The following MARCHF1 variants were observed in gnomAD, a reference collection of about 807,000 sequenced individuals.
MARCHF1 encodes the protein membrane associated ring-CH-type finger 1.
MARCHF1 carries 40 observed loss-of-function variants against 54.2 expected under a neutral mutation model. The observed-to-expected ratio is 0.74, with a 90% CI of 0.57 to 0.96. The LOEUF (loss-of-function observed/expected upper bound fraction) is 0.96, where lower values mean the gene tolerates loss of function less well. Ranked by LOEUF, MARCHF1 falls within the 40% of genes least tolerant of loss-of-function variation. The pLI is 0.00. For missense variants in MARCHF1, 586 were observed against 656.5 expected (o/e 0.89, Z 1.17); for synonymous variants, 236 against 236.3 (o/e 1.00, Z 0.01).
intron 2 of MARCHF1, among the ~76,000 whole-genome samples, chr4:164,099,623 G>A (rs1005188081): frequency 1.1e-4 from 16 of 152,150 alleles, no homozygotes; most frequent in South Asian, 6.2e-4. Flanking sequence ...CAGGACAAAA[G>A]GTGAATTCAT....
At chr4:163,862,207 A>G (rs1749953433) in intron 3 of MARCHF1, among the ~76,000 whole-genome samples, 1 of 152,104 alleles carries the variant, frequency 6.6e-6, no homozygotes, top group African/African-American at 2.4e-5. Context: ...AATGTTGATA[A>G]GTTGGAATTT....
At chr4:163,959,356 A>G (rs895614927) in intron 3 of MARCHF1, among the ~76,000 whole-genome samples, 2 of 151,706 alleles carry the variant, frequency 1.3e-5, no homozygotes, top group African/African-American at 2.4e-5. Context: ...CAAAAAAACA[A>G]AAAACACAAA....
intron 2 of MARCHF1, among the ~76,000 whole-genome samples, chr4:164,013,665 G>A (rs1055924686): frequency 1.3e-5 from 2 of 152,126 alleles, no homozygotes; most frequent in African/African-American, 2.4e-5. Context: ...AACATATAAA[G>A]GAGTTCTGAT....
At chr4:164,154,330 A>G (rs536489471) in intron 1 of MARCHF1, among the ~76,000 whole-genome samples, 2 of 152,348 alleles carry the variant, frequency 1.3e-5, no homozygotes, top group Non-Finnish European at 2.9e-5. Flanking sequence ...TCTAAAAATC[A>G]TTTAGCCTCT....
chr4:163,633,064 C>G (rs1256358428), intron 5 of MARCHF1, among the ~76,000 whole-genome samples: 1 of 151,538 alleles, frequency 6.6e-6, no homozygotes, highest in African/African-American at 2.4e-5. Flanking sequence ...AACTAACAAA[C>G]AGAAAGGACA....
At chr4:163,652,645 C>T (rs766658476) in intron 5 of MARCHF1, among the ~76,000 whole-genome samples, 2 of 151,810 alleles carry the variant, frequency 1.3e-5, no homozygotes, top group Non-Finnish European at 2.9e-5. Flanking sequence ...TTCTGAATTT[C>T]GTACATGAGG....
At chr4:163,722,657 G>T (rs1023707414) in intron 4 of MARCHF1, among the ~76,000 whole-genome samples, 1 of 152,152 alleles carries the variant, frequency 6.6e-6, no homozygotes, top group Non-Finnish European at 1.5e-5. Flanking sequence ...TATTTTGTGG[G>T]AGTCTAAATC....
At chr4:163,832,628 G>A (rs936649038) in intron 4 of MARCHF1, among the ~76,000 whole-genome samples, 3 of 150,530 alleles carry the variant, frequency 2.0e-5, no homozygotes, top group Non-Finnish European at 3.0e-5. Context: ...TAGGGTACAT[G>A]TGCACAACGT....
In MARCHF1 at chr4:164,331,835, A is replaced by C. The variant is rs376556706; in HGVS notation, c.-323+52035T>G. Among the ~76,000 whole-genome samples, 15 of 152,298 alleles carry C rather than the reference A, an allele frequency of 9.8e-5. No individual in the cohort carries two copies. The East Asian group carries it at 1.4e-3, about 14-fold the overall frequency. On this transcript the variant is annotated intron_variant, in intron 1 of 9. Transcript: ENST00000514618. Reference sequence around the variant, plus strand: ...TCTAGCTTATCTTTGTCTTTGTGTAAAATTTCAAATATATACAATAACAGA... The same window carrying C: ...TCTAGCTTATCTTTGTCTTTGTGTACAATTTCAAATATATACAATAACAGA...
In MARCHF1 at chr4:163,527,940, G is replaced by A. The variant is rs553465965; in HGVS notation, c.*808C>T. 6.6e-5 allele frequency: 10 copies of A among 152,500 alleles called. No individual in the cohort carries two copies. Among genetic ancestry groups the A allele is most frequent in the African/African-American group, 2.4e-4 (10 of 41,526 alleles). The allele number at this position is 152,500 out of a possible 1,614,324, so 9.4% of individuals were successfully genotyped here. On this transcript the variant is annotated 3_prime_UTR_variant, in exon 10 of 10. Coordinates refer to ENST00000514618, the MANE Select transcript of MARCHF1 (RefSeq NM_001394959.1). ...TTTACTTTTTAAAATAGGGCTACTGGGAAGTTAAATATTTGCATCTGTGGC... is the reference window on the plus strand; with the variant it reads ...TTTACTTTTTAAAATAGGGCTACTGAGAAGTTAAATATTTGCATCTGTGGC...
intron 4 of MARCHF1, among the ~76,000 whole-genome samples, chr4:163,774,978 A>T (rs1009235515): frequency 1.3e-5 from 2 of 152,128 alleles, no homozygotes; most frequent in Non-Finnish European, 2.9e-5. Context: ...AAGAAAGGTC[A>T]TGTCACGTCA....
intron 4 of MARCHF1, among the ~76,000 whole-genome samples, chr4:163,846,988 C>T (rs531761401): frequency 6.6e-6 from 1 of 152,106 alleles, no homozygotes; most frequent in South Asian, 2.1e-4. Context: ...TATGAAATAA[C>T]AAAGAATGGG....
At chr4:163,746,687 T>G (rs927407058) in intron 4 of MARCHF1, among the ~76,000 whole-genome samples, 1 of 152,184 alleles carries the variant, frequency 6.6e-6, no homozygotes, top group African/African-American at 2.4e-5. Flanking sequence ...CATTTTCTTT[T>G]TCATGATTTT....
chr4:164,201,769 AG>A (rs1731460505), intron 1 of MARCHF1, among the ~76,000 whole-genome samples: 1 of 152,218 alleles, frequency 6.6e-6, no homozygotes, highest in Non-Finnish European at 1.5e-5. Context: ...GAACAAATTT[AG>A]GGACAGAAAT....
At chr4:164,234,820 A>G (rs1382944035) in intron 1 of MARCHF1, 2 of 152,146 alleles carry the variant, frequency 1.3e-5, no homozygotes, top group African/African-American at 2.4e-5. Context: ...GGTTCCAGTT[A>G]AACTACCCTT....
chr4:163,945,440 A>C, intron 3 of MARCHF1, among the ~76,000 whole-genome samples: 1 of 152,184 alleles, frequency 6.6e-6, no homozygotes, highest in East Asian at 1.9e-4. Flanking sequence ...CAAGTAGAGT[A>C]ATTTTGAAAT....
Position 163,612,711 on chromosome 4 carries a change from A to C in MARCHF1, c.570T>G (p.Asn190Lys). The change falls in exon 7 of 10, where the codon AAT (asparagine) becomes AAG (lysine). Residue 190 changes from asparagine (N) to lysine (K), a missense_variant. Physicochemically the swap from Asn to Lys is moderately conservative, Grantham distance 94. This residue lies in a region of MARCHF1 where 387 missense variants were observed against 394.6 expected (regional missense o/e 0.98). Coordinates refer to ENST00000514618, the MANE Select transcript of MARCHF1 (RefSeq NM_001394959.1). Reference protein sequence around the residue: ...KFRLSRRRRRNNNKPCENLAG... With the variant: ...KFRLSRRRRRKNNKPCENLAG... ...CTAAGTTTTCACACGGCTTATTATT[A>C]TTTCTCCTCCTTCTTCTTGACAGTC... The C allele has an allele frequency of 6.5e-7, 1 of 1,535,370 alleles. No homozygotes were observed. Among genetic ancestry groups the C allele is most frequent in the Non-Finnish European group, 8.7e-7 (1 of 1,146,502 alleles).
At chr4:163,827,968 T>A (rs114874240) in intron 4 of MARCHF1, among the ~76,000 whole-genome samples, 115 of 150,990 alleles carry the variant, frequency 7.6e-4, no homozygotes, top group African/African-American at 2.7e-3. Context: ...TGATTTAAGA[T>A]GACGGACAGA....
intron 1 of MARCHF1, among the ~76,000 whole-genome samples, chr4:164,310,508 A>G (rs1414679260): frequency 6.7e-6 from 1 of 150,128 alleles, no homozygotes; most frequent in Admixed American, 6.8e-5. Flanking sequence ...TTATTGAACT[A>G]CTAGGAGAAA....
Sources: allele counts gnomAD v4.1 joint callset (sites outside exome capture counted in the v4.1 genomes callset), GRCh38; gene constraint gnomAD v4.1.1; regional missense constraint gnomAD v4.1.1; transcripts MANE v1.5; gene names NCBI Gene and HGNC (gene_info 2026-07-23, HGNC 2026-07-21).